The following NR3C2 variants were observed in gnomAD, a reference collection of about 807,000 sequenced individuals.
The protein encoded by NR3C2 is mineralocorticoid receptor.
Under a neutral mutation model 86.4 loss-of-function variants are expected in NR3C2, and 15 were observed. The ratio of observed to expected loss-of-function variants is 0.17; its 90% CI spans 0.12 to 0.27. The LOEUF (loss-of-function observed/expected upper bound fraction) is 0.27. NR3C2 is among the 10% of genes least tolerant of loss of function. The probability of loss-of-function intolerance (pLI) is 1.00; values close to 1 mark genes in which losing one functional copy is unlikely to be tolerated. For synonymous variants in NR3C2, 458 were observed against 450.5 expected (o/e 1.02, Z -0.21); for missense variants, 960 against 1,195.6 (o/e 0.80, Z 2.91).
At chr4:148,299,617 C>T (rs531285502) in intron 2 of NR3C2, among the ~76,000 whole-genome samples, 40 of 152,322 alleles carry the variant, frequency 2.6e-4, no homozygotes, top group East Asian at 7.7e-4. Flanking sequence ...TTCCCCTCCC[C>T]GGGCCAAGGA....
chr4:148,333,690 C>T (rs1296127690), intron 2 of NR3C2, among the ~76,000 whole-genome samples: 1 of 152,134 alleles, frequency 6.6e-6, no homozygotes, highest in Non-Finnish European at 1.5e-5. Context: ...GAACCTACCC[C>T]TAGCTGATAT....
chr4:148,262,722 T>TTA (rs1740186201), intron 2 of NR3C2, among the ~76,000 whole-genome samples: 1 of 152,098 alleles, frequency 6.6e-6, no homozygotes, highest in Non-Finnish European at 1.5e-5. Context: ...ACTGATGTTA[T>TTA]TATATACAGG....
chr4:148,321,038 C>T (rs905184479), intron 2 of NR3C2, among the ~76,000 whole-genome samples: 2 of 151,298 alleles, frequency 1.3e-5, no homozygotes, highest in Non-Finnish European at 2.9e-5. Context: ...TCCCTCTACA[C>T]ACTGCTTTGA....
At chr4:148,241,764 A>G (rs1162409733) in intron 3 of NR3C2, among the ~76,000 whole-genome samples, 9 of 152,234 alleles carry the variant, frequency 5.9e-5, no homozygotes, top group African/African-American at 2.2e-4. Flanking sequence ...AGTGCCAATG[A>G]CAGCATCTGA....
At chr4:148,237,846 A>G (rs1255772400) in intron 3 of NR3C2, among the ~76,000 whole-genome samples, 1 of 152,164 alleles carries the variant, frequency 6.6e-6, no homozygotes, top group African/African-American at 2.4e-5. Context: ...TTCCAAAACT[A>G]TTAACATCAT....
chr4:148,090,843 G>A (rs978687034), intron 8 of NR3C2, among the ~76,000 whole-genome samples: 1 of 152,230 alleles, frequency 6.6e-6, no homozygotes, highest in Admixed American at 6.5e-5. Context: ...CCAGTCATGA[G>A]GGCTTCTGTT....
At chr4:148,303,901 T>C (rs577265348) in intron 2 of NR3C2, among the ~76,000 whole-genome samples, 1 of 151,734 alleles carries the variant, frequency 6.6e-6, no homozygotes, top group Admixed American at 6.6e-5. Context: ...TAGATCCCCC[T>C]GTTAACATGG....
chr4:148,097,318 G>A (rs564296877), intron 8 of NR3C2, among the ~76,000 whole-genome samples: 2 of 152,168 alleles, frequency 1.3e-5, no homozygotes, highest in East Asian at 3.9e-4. Flanking sequence ...ATTCACAGTC[G>A]ATCCTCGATA....
intron 2 of NR3C2, among the ~76,000 whole-genome samples, chr4:148,388,457 A>C (rs969609720): frequency 5.3e-5 from 8 of 152,188 alleles, no homozygotes; most frequent in African/African-American, 7.2e-5. Flanking sequence ...CGAAATGCTC[A>C]ACCTATGTGG....
At chr4:148,226,207 C>T (rs1483473673) in intron 3 of NR3C2, among the ~76,000 whole-genome samples, 2 of 152,078 alleles carry the variant, frequency 1.3e-5, no homozygotes, top group Non-Finnish European at 2.9e-5. Context: ...TAAAATGTAT[C>T]GTACAATATA....
chr4:148,274,342 G>A (rs1035766324), intron 2 of NR3C2, among the ~76,000 whole-genome samples: 8 of 152,152 alleles, frequency 5.3e-5, no homozygotes, highest in Non-Finnish European at 8.8e-5. Flanking sequence ...AAAAATAATG[G>A]CACAGATAAA....
chr4:148,168,879 G>A (rs563230255), intron 4 of NR3C2, among the ~76,000 whole-genome samples: 3 of 152,072 alleles, frequency 2.0e-5, no homozygotes, highest in Non-Finnish European at 2.9e-5. Context: ...GCCTATGTTT[G>A]TAATGTGCCT....
chr4:148,201,212 A>G (rs550796085), intron 3 of NR3C2: 1 of 152,252 alleles, frequency 6.6e-6, no homozygotes, highest in African/African-American at 2.4e-5. Context: ...AGGGCCCTTC[A>G]CTGCTTAAAC....
chr4:148,105,369 T>C (rs1039222692), intron 8 of NR3C2, among the ~76,000 whole-genome samples: 2 of 152,108 alleles, frequency 1.3e-5, no homozygotes, highest in African/African-American at 4.8e-5. Flanking sequence ...AGTTCTGAAA[T>C]TGAGGCAGTA....
intron 2 of NR3C2, among the ~76,000 whole-genome samples, chr4:148,387,922 T>C (rs1220586174): frequency 6.6e-6 from 1 of 152,182 alleles, no homozygotes; most frequent in Non-Finnish European, 1.5e-5. Flanking sequence ...TGCTACCTAT[T>C]TACCATCAAA....
chr4:148,342,665 A>C (rs1744803990), intron 2 of NR3C2, among the ~76,000 whole-genome samples: 1 of 152,164 alleles, frequency 6.6e-6, no homozygotes, highest in Admixed American at 6.5e-5. Context: ...ATTAGCAGTG[A>C]CTAAAACTTC....
intron 2 of NR3C2, among the ~76,000 whole-genome samples, chr4:148,428,915 A>T (rs1366166336): frequency 6.6e-6 from 1 of 152,092 alleles, no homozygotes; most frequent in Non-Finnish European, 1.5e-5. Flanking sequence ...CTACCTACCA[A>T]GTTAAGTACA....
At chr4:148,198,075 C>T (rs561600823) in intron 3 of NR3C2, among the ~76,000 whole-genome samples, 9 of 151,736 alleles carry the variant, frequency 5.9e-5, no homozygotes, top group African/African-American at 1.5e-4. Flanking sequence ...AGTTAGTGCA[C>T]GTGTAAAACA....
At chr4:148,099,175 G>A (rs1170448030) in intron 8 of NR3C2, among the ~76,000 whole-genome samples, 1 of 152,166 alleles carries the variant, frequency 6.6e-6, no homozygotes, top group Non-Finnish European at 1.5e-5. Flanking sequence ...CTGCGTAATT[G>A]GTGGGGCCCT....
Sources: gnomAD v4.1 joint callset for allele counts (sites outside exome capture counted in the v4.1 genomes callset) on GRCh38, gnomAD v4.1.1 for gene constraint, MANE v1.5 for transcripts, NCBI Gene and HGNC (gene_info 2026-07-23, HGNC 2026-07-21) for gene names.